The following SPATA17 variants were observed in gnomAD, a reference collection of about 807,000 sequenced individuals.
The protein encoded by SPATA17 is spermatogenesis-associated protein 17.
SPATA17 carries 53 observed loss-of-function variants against 62.2 expected under a neutral mutation model. The ratio of observed to expected loss-of-function variants is 0.85; its 90% CI spans 0.68 to 1.07. The LOEUF (loss-of-function observed/expected upper bound fraction) is 1.07. Ranked by LOEUF, SPATA17 falls within the 50% of genes least tolerant of loss-of-function variation. The pLI, the probability that SPATA17 is intolerant of heterozygous loss-of-function variation, is 0.00. For missense variants in SPATA17, 466 were observed against 425.5 expected (o/e 1.10, Z -0.84); for synonymous variants, 146 against 146.8 (o/e 0.99, Z 0.04).
In SPATA17 at chr1:217,849,986, C is replaced by T. The variant is rs142097365; in HGVS notation, c.1006-12788C>T. ...GTCTAGTACCACTCCCTGTCTGTTT[C>T]CCAATATAAGTTATAATTTGGGGTC... On this transcript the variant is annotated intron_variant, in intron 9 of 10. Coordinates refer to ENST00000366933, the MANE Select transcript of SPATA17 (RefSeq NM_138796.4). Among the ~76,000 whole-genome samples the T allele has an allele frequency of 7.0e-3, 1,062 of 152,184 alleles. 13 individuals carry two copies. The highest frequency in any genetic ancestry group is 0.024 in the African/African-American group (1,006 of 41,526).
At chr1:217,847,156 T>A (rs1166272788) in intron 9 of SPATA17, among the ~76,000 whole-genome samples, 2 of 151,974 alleles carry the variant, frequency 1.3e-5, no homozygotes, top group Non-Finnish European at 2.9e-5. Context: ...AATCTTTAAT[T>A]TTTTATTGTT....
At chr1:217,831,399 G>C (rs888427614) in intron 9 of SPATA17, among the ~76,000 whole-genome samples, 7 of 152,010 alleles carry the variant, frequency 4.6e-5, no homozygotes, top group Non-Finnish European at 8.8e-5. Flanking sequence ...TCTCCTCCCT[G>C]ACACCTGGTC....
chr1:217,786,055 C>T (rs1335621117), intron 8 of SPATA17, among the ~76,000 whole-genome samples: 1 of 152,066 alleles, frequency 6.6e-6, no homozygotes, highest in Admixed American at 6.5e-5. Context: ...GGGAAGGTCT[C>T]ATCTAGATAT....
At chr1:217,685,280 G>A (rs1173349252) in intron 5 of SPATA17, among the ~76,000 whole-genome samples, 1 of 152,146 alleles carries the variant, frequency 6.6e-6, no homozygotes, top group Non-Finnish European at 1.5e-5. Flanking sequence ...CTTCACTCTT[G>A]TCTGAGCCCT....
intron 9 of SPATA17, among the ~76,000 whole-genome samples, chr1:217,809,037 G>A (rs1212801472): frequency 6.6e-6 from 1 of 151,906 alleles, no homozygotes; most frequent in Non-Finnish European, 1.5e-5. Context: ...AGTTACAGAT[G>A]GATCTTCCTT....
At chr1:217,704,210 A>G (rs189687410) in intron 5 of SPATA17, among the ~76,000 whole-genome samples, 13 of 119,050 alleles carry the variant, frequency 1.1e-4, no homozygotes, top group African/African-American at 3.3e-4. Flanking sequence ...TTTTATCCTA[A>G]CTCTCCTCCT....
At chr1:217,715,766 A>G (rs948633281) in intron 5 of SPATA17, among the ~76,000 whole-genome samples, 1 of 151,784 alleles carries the variant, frequency 6.6e-6, no homozygotes, top group African/African-American at 2.4e-5. Flanking sequence ...TAAAATTCTC[A>G]GTTTCGTTCT....
chr1:217,719,100 A>G (rs992020741), intron 5 of SPATA17, among the ~76,000 whole-genome samples: 4 of 152,224 alleles, frequency 2.6e-5, no homozygotes, highest in African/African-American at 7.2e-5. Context: ...ACTTGGACCA[A>G]TAGGCCCCTA....
chr1:217,674,195 C>A (rs1398379778), intron 4 of SPATA17, among the ~76,000 whole-genome samples: 2 of 152,094 alleles, frequency 1.3e-5, no homozygotes, highest in Non-Finnish European at 2.9e-5. Context: ...AAACTGACTT[C>A]CAGTGAGGAA....
At chr1:217,775,468 G>A (rs1673564407) in intron 7 of SPATA17, among the ~76,000 whole-genome samples, 1 of 152,076 alleles carries the variant, frequency 6.6e-6, no homozygotes, top group Non-Finnish European at 1.5e-5. Flanking sequence ...ACTTTGGGAG[G>A]CCAAGGCGGA....
At chr1:217,660,396 C>T (rs1424045579) in intron 3 of SPATA17, among the ~76,000 whole-genome samples, 1 of 152,098 alleles carries the variant, frequency 6.6e-6, no homozygotes, top group Admixed American at 6.5e-5. Flanking sequence ...ACATAAAAGG[C>T]CTACTGAAAT....
At chr1:217,699,018 C>T (rs1459336501) in intron 5 of SPATA17, among the ~76,000 whole-genome samples, 1 of 152,056 alleles carries the variant, frequency 6.6e-6, no homozygotes, top group South Asian at 2.1e-4. Context: ...AGCATTGTTC[C>T]CTAAAAATGT....
intron 9 of SPATA17, among the ~76,000 whole-genome samples, chr1:217,826,578 T>C (rs1463620094): frequency 3.3e-5 from 5 of 152,140 alleles, no homozygotes; most frequent in South Asian, 4.1e-4. Flanking sequence ...CATTAACTAA[T>C]ATATCCAGAA....
chr1:217,633,426 T>A (rs1055191986), intron 1 of SPATA17, among the ~76,000 whole-genome samples: 1 of 151,880 alleles, frequency 6.6e-6, no homozygotes, highest in East Asian at 2.0e-4. Context: ...AACAATGTTC[T>A]AGAAAAGCCT....
rs145003906 is a variant in SPATA17, at chr1:217,770,228, C to T, written c.520-4106C>T. ...CACACCTCCTTTAAGAACTGTTTCT[C>T]TCTCGTGGTATTCAGAAATTTTTAA... On this transcript the variant is annotated intron_variant, in intron 6 of 10. Coordinates refer to ENST00000366933, the MANE Select transcript of SPATA17 (RefSeq NM_138796.4). Among the ~76,000 whole-genome samples, 5 of 152,308 alleles carry T rather than the reference C, an allele frequency of 3.3e-5. No individual in the cohort carries two copies. The East Asian group carries it at 9.6e-4, about 29-fold the overall frequency.
intron 4 of SPATA17, among the ~76,000 whole-genome samples, chr1:217,679,195 G>A (rs1671019962): frequency 6.6e-6 from 1 of 151,982 alleles, no homozygotes; most frequent in African/African-American, 2.4e-5. Flanking sequence ...TAAAGAACAC[G>A]CATATACTCT....
At chr1:217,685,525 C>A (rs1026710312) in intron 5 of SPATA17, among the ~76,000 whole-genome samples, 4 of 152,002 alleles carry the variant, frequency 2.6e-5, no homozygotes, top group Non-Finnish European at 5.9e-5. Context: ...TTTCTTAAAC[C>A]AGGAATGGAA....
intron 5 of SPATA17, among the ~76,000 whole-genome samples, chr1:217,721,510 C>T (rs1216632452): frequency 2.0e-5 from 3 of 152,160 alleles, no homozygotes; most frequent in Non-Finnish European, 4.4e-5. Flanking sequence ...GGCCCTGTGT[C>T]ATCTCTTTCT....
chr1:217,718,394 C>T (rs1418222662), intron 5 of SPATA17, among the ~76,000 whole-genome samples: 1 of 152,008 alleles, frequency 6.6e-6, no homozygotes, highest in Admixed American at 6.6e-5. Flanking sequence ...TCCCCAAAAG[C>T]CATAACCTTA....
Sources: gnomAD v4.1 joint callset for allele counts (sites outside exome capture counted in the v4.1 genomes callset) on GRCh38, gnomAD v4.1.1 for gene constraint, MANE v1.5 for transcripts, NCBI Gene and HGNC (gene_info 2026-07-23, HGNC 2026-07-21) for gene names.